Variants in SORCS3 observed in about 807,000 individuals in gnomAD.
SORCS3 encodes VPS10 domain-containing receptor SorCS3.
Under a neutral mutation model 146.3 loss-of-function variants are expected in SORCS3, and 57 were observed. The ratio of observed to expected loss-of-function variants is 0.39; its 90% CI spans 0.31 to 0.49. The LOEUF (loss-of-function observed/expected upper bound fraction) is 0.49, where lower values mean the gene tolerates loss of function less well. Among genes scored for constraint, SORCS3 ranks in the 20% least tolerant of loss-of-function variants. The pLI, the probability that SORCS3 is intolerant of heterozygous loss-of-function variation, is 0.92. For missense variants in SORCS3, 1,341 were observed against 1,575.5 expected (o/e 0.85, Z 2.52); for synonymous variants, 653 against 618.5 (o/e 1.06, Z -0.83).
chr10:104,704,339 G>C (rs1342572623), intron 1 of SORCS3, among the ~76,000 whole-genome samples: 2 of 151,764 alleles, frequency 1.3e-5, no homozygotes, highest in African/African-American at 4.8e-5. Flanking sequence ...AGCTATTTTT[G>C]TTTGTTTGTT....
chr10:104,861,629 G>A (rs998155378), intron 2 of SORCS3, among the ~76,000 whole-genome samples: 8 of 152,184 alleles, frequency 5.3e-5, no homozygotes, highest in African/African-American at 1.4e-4. Flanking sequence ...TTGCCCCGGT[G>A]TGGAGGCAGC....
At chr10:104,967,731 G>A (rs1161828460) in intron 3 of SORCS3, among the ~76,000 whole-genome samples, 1 of 151,966 alleles carries the variant, frequency 6.6e-6, no homozygotes, top group Non-Finnish European at 1.5e-5. Flanking sequence ...CTGGAGTGTA[G>A]TGGTGTGATC....
At chr10:104,727,180 G>C (rs2016646095) in intron 1 of SORCS3, among the ~76,000 whole-genome samples, 1 of 152,192 alleles carries the variant, frequency 6.6e-6, no homozygotes. Flanking sequence ...GATATTATTT[G>C]CTGCATGAAG....
intron 3 of SORCS3, among the ~76,000 whole-genome samples, chr10:104,923,558 C>A (rs1435499874): frequency 6.6e-6 from 1 of 152,188 alleles, no homozygotes; most frequent in African/African-American, 2.4e-5. Flanking sequence ...TTCATAGGAG[C>A]ATCACACGCA....
intron 20 of SORCS3, among the ~76,000 whole-genome samples, chr10:105,242,759 T>TA (rs1156233713): frequency 9.8e-6 from 1 of 102,136 alleles, no homozygotes; most frequent in Non-Finnish European, 1.7e-5. Context: ...TATATTTATA[T>TA]TTTATATATT....
At chr10:104,889,926 C>A (rs1191654589) in intron 2 of SORCS3, among the ~76,000 whole-genome samples, 1 of 151,896 alleles carries the variant, frequency 6.6e-6, no homozygotes, top group Non-Finnish European at 1.5e-5. Context: ...TTTTAGAAAA[C>A]CTTTATTTTG....
intron 1 of SORCS3, among the ~76,000 whole-genome samples, chr10:104,667,905 C>A (rs1323551846): frequency 6.6e-6 from 1 of 152,152 alleles, no homozygotes; most frequent in Non-Finnish European, 1.5e-5. Context: ...TGTGCTGGTG[C>A]CCCATGTGGC....
chr10:105,091,332 C>G, intron 6 of SORCS3, among the ~76,000 whole-genome samples: 1 of 86,520 alleles, frequency 1.2e-5, no homozygotes. Flanking sequence ...TCCTTCCTTG[C>G]TTCCTTCCTT....
In SORCS3 at chr10:105,120,184, T is replaced by G. The variant is rs117451830; in HGVS notation, c.1212+14669T>G. 4.3e-3 allele frequency among the ~76,000 whole-genome samples: 654 copies of G among 152,300 alleles called. 2 individuals carry two copies. Among genetic ancestry groups the G allele is most frequent in the Non-Finnish European group, 7.6e-3 (515 of 68,030 alleles). On this transcript the variant is annotated intron_variant, in intron 7 of 26. Coordinates refer to ENST00000369701, the MANE Select transcript of SORCS3 (RefSeq NM_014978.3). ...TGGTTTTATAGAGGCTTTTCCTCCT[T>G]TACTTAGCACTTCTCCTTCCAGCCG...
chr10:105,077,473 G>T (rs1243607463), intron 5 of SORCS3, among the ~76,000 whole-genome samples: 1 of 151,068 alleles, frequency 6.6e-6, no homozygotes, highest in African/African-American at 2.4e-5. Flanking sequence ...AACTTCCTAG[G>T]GGGTGTATCG....
At chr10:105,262,196 G>A in intron 25 of SORCS3, 135 bp from the exon 26 acceptor site, 2 of 766,122 alleles carry the variant, frequency 2.6e-6, no homozygotes. Context: ...TTGTCTCTGG[G>A]GTTACCAATA....
At chr10:105,079,577 A>G (rs2055609771) in intron 5 of SORCS3, among the ~76,000 whole-genome samples, 1 of 151,994 alleles carries the variant, frequency 6.6e-6, no homozygotes, top group Admixed American at 6.6e-5. Flanking sequence ...ATTTTTTTAA[A>G]CTTTTATGTT....
At chr10:105,164,927 C>T (rs1457709943) in intron 12 of SORCS3, among the ~76,000 whole-genome samples, 1 of 152,116 alleles carries the variant, frequency 6.6e-6, no homozygotes, top group Non-Finnish European at 1.5e-5. Context: ...TTCAGTTTTA[C>T]AAACACTTAC....
At chr10:104,648,687 A>G (rs1261162559) in intron 1 of SORCS3, among the ~76,000 whole-genome samples, 1 of 152,244 alleles carries the variant, frequency 6.6e-6, no homozygotes, top group Non-Finnish European at 1.5e-5. Context: ...AAGCCTGGTT[A>G]CATCACAACC....
intron 14 of SORCS3, among the ~76,000 whole-genome samples, chr10:105,197,147 A>G (rs2056548508): frequency 6.6e-6 from 1 of 152,096 alleles, no homozygotes; most frequent in Non-Finnish European, 1.5e-5. Context: ...AAGACCCTTG[A>G]TTTATAAGTG....
At chr10:105,187,531 C>T (rs1283209609) in intron 14 of SORCS3, among the ~76,000 whole-genome samples, 1 of 152,152 alleles carries the variant, frequency 6.6e-6, no homozygotes, top group African/African-American at 2.4e-5. Context: ...TGATGTCTGG[C>T]CTTGCCACAA....
chr10:105,055,333 T>C (rs1304971581), intron 5 of SORCS3, among the ~76,000 whole-genome samples: 5 of 152,200 alleles, frequency 3.3e-5, no homozygotes, highest in African/African-American at 1.2e-4. Context: ...AGAGAGAATA[T>C]GCTTTATAAA....
Position 104,862,127 on chromosome 10 carries a change from G to T in SORCS3, c.695+19268G>T, listed in dbSNP as rs79596364. On this transcript the variant is annotated intron_variant, in intron 2 of 26. Transcript: ENST00000369701. ...GTTCTTCAACAGGTGAATTTTGAGGGGGTGGACACAATTCAAGTCATAACA... is the reference window on the plus strand; with the variant it reads ...GTTCTTCAACAGGTGAATTTTGAGGTGGTGGACACAATTCAAGTCATAACA... Among the ~76,000 whole-genome samples, 601 of 152,320 alleles carry T rather than the reference G, an allele frequency of 3.9e-3. 5 individuals are homozygous for T. Among genetic ancestry groups the T allele is most frequent in the African/African-American group, 0.014 (572 of 41,568 alleles).
rs576370870 is a variant in SORCS3 at position 104,817,143 on chromosome 10, G to A, written c.628-25649G>A. On this transcript the variant is annotated intron_variant, in intron 1 of 26. Transcript: ENST00000369701. ...GGTGGATCTACAGTCATCTTGAAGG[G>A]GCCCACACTACTTATGAGCACATTT... Among the ~76,000 whole-genome samples the A allele has an allele frequency of 1.6e-3, 239 of 152,108 alleles. 3 individuals carry two copies. The highest frequency in any genetic ancestry group is 5.5e-3 in the African/African-American group (230 of 41,502).
Sources: gnomAD v4.1 joint callset for allele counts (sites outside exome capture counted in the v4.1 genomes callset) on GRCh38, gnomAD v4.1.1 for gene constraint, MANE v1.5 for transcripts, NCBI Gene and HGNC (gene_info 2026-07-23, HGNC 2026-07-21) for gene names.